The following GOLGA2 variants were observed in gnomAD, a reference collection of about 807,000 sequenced individuals.
GOLGA2 encodes the protein golgin subfamily A member 2.
Under a neutral mutation model 148.8 loss-of-function variants are expected in GOLGA2, and 49 were observed. The observed-to-expected ratio is 0.33, with a 90% CI of 0.26 to 0.42. The LOEUF is 0.42. Ranked by LOEUF, GOLGA2 falls within the 10% of genes least tolerant of loss-of-function variation. The pLI is 1.00. For missense variants in GOLGA2, 1,178 were observed against 1,304.6 expected (o/e 0.90, Z 1.49); for synonymous variants, 501 against 511.8 (o/e 0.98, Z 0.28).
At chr9:128,263,193 C>A in intron 12 of GOLGA2, 101 bp from the exon 13 acceptor site, 1 of 758,348 alleles carries the variant, frequency 1.3e-6, no homozygotes, top group South Asian at 1.4e-5. Flanking sequence ...AACACTTCCT[C>A]ACTCTCAATC....
rs749790190 is a variant in GOLGA2 at position 128,258,033 on chromosome 9, A to T, written c.2455T>A (p.Ser819Thr). 1 of 1,611,596 alleles carries T rather than the reference A, an allele frequency of 6.2e-7. No individual in the cohort carries two copies. The highest frequency in any genetic ancestry group is 1.1e-5 in the South Asian group (1 of 90,926). Residue 819 changes from serine to threonine, a missense_variant, in exon 23 of 27, where the codon TCT (serine) becomes ACT (threonine). Coordinates refer to ENST00000611957, the MANE Select transcript of GOLGA2 (RefSeq NM_001366244.2). This position sits in a 1 kb window ranked among gnomAD's most constrained non-coding sequence, Gnocchi z 6.6. Reference sequence around the variant, plus strand: ...GCCCGGTGGGTCTCCCCACACACAGAATCACCCCCGGTCCCTGGGGCTGGG... The same window carrying T: ...GCCCGGTGGGTCTCCCCACACACAGTATCACCCCCGGTCCCTGGGGCTGGG... ...AAPAPGTGGDSVCGETHRALQ... is the reference protein window; with the variant it reads ...AAPAPGTGGDTVCGETHRALQ...
Position 128,260,079 on chromosome 9 carries a change from TTCCTTCAGCTCGCTCAGCTTC to T in GOLGA2, c.1848_1868del (p.Lys617_Glu623del). 1.2e-6 allele frequency: 2 copies of T among 1,606,070 alleles called. No individual in the cohort carries two copies. The highest frequency in any genetic ancestry group is 1.1e-5 in the South Asian group (1 of 90,990). On this transcript the variant is annotated inframe_deletion, in exon 19 of 27. Transcript: ENST00000611957. This position sits in a 1 kb window ranked among gnomAD's most constrained non-coding sequence, Gnocchi z 4.8. The stretch of plus-strand genomic sequence containing the variant: ...TTCTTGGATGGGGCGGGGTTACCGT[TTCCTTCAGCTCGCTCAGCTTC>T]TCCTGCAGCTCGCCCAGCTTCTTTC...
Position 128,257,291 on chromosome 9 carries a change from G to C in GOLGA2, c.2876-10C>G. On this transcript the variant is annotated splice_polypyrimidine_tract_variant and intron_variant, in intron 26 of 26. Coordinates refer to ENST00000611957, the MANE Select transcript of GOLGA2 (RefSeq NM_001366244.2). This position sits in a 1 kb window ranked among gnomAD's most constrained non-coding sequence, Gnocchi z 8.0. ...CTCACCTCGCAAAGATCTTTGGAGA[G>C]AGAGAGGCAGGGCTCTGAGTGCCAC... is the stretch of plus-strand genomic sequence containing the variant. 1 of 1,612,764 alleles carries C rather than the reference G, an allele frequency of 6.2e-7. No individual in the cohort carries two copies. Among genetic ancestry groups the C allele is most frequent in the Non-Finnish European group, 8.5e-7 (1 of 1,179,698 alleles).
At position 128,263,049 on chromosome 9, in the gene GOLGA2, T is replaced by G; in HGVS notation, c.977A>C (p.Glu326Ala). ...LTKERDALRL[E>A]LYKNTQSNED... ...CCCATCCTACGTGTTCTTGTATAAC[T>G]CCAGCCTGAGGGCGTCTCTCTCTTT... Residue 326 changes from glutamate to alanine, a missense_variant, in exon 13 of 27, where the codon GAG (glutamate) becomes GCG (alanine). Glu to Ala is a moderately radical substitution (Grantham distance 107, BLOSUM62 -1). This residue lies in a region of GOLGA2 where 304 missense variants were observed against 404.1 expected (regional missense o/e 0.75). Coordinates refer to ENST00000611957, the MANE Select transcript of GOLGA2 (RefSeq NM_001366244.2). 6.2e-7 allele frequency: 1 copy of G among 1,603,294 alleles called. No homozygotes were observed. Among genetic ancestry groups the G allele is most frequent in the Non-Finnish European group, 8.5e-7 (1 of 1,172,334 alleles).
rs1193108615 is a variant in GOLGA2 at position 128,261,705 on chromosome 9, A to G, written c.1187T>C (p.Met396Thr). Reference protein sequence around the residue: ...PDANQQLQQAMEERAQLEAHL... With the variant: ...PDANQQLQQATEERAQLEAHL... ...TGCTTCCAGCTGTGCCCGCTCCTCC[A>G]TGGCCTGCTGTAACTGCTGGTTAGC... is the stretch of plus-strand genomic sequence containing the variant. The change falls in exon 15 of 27, where the codon ATG becomes ACG. Residue 396 changes from methionine to threonine, a missense_variant. This residue lies in a region of GOLGA2 where 304 missense variants were observed against 404.1 expected (regional missense o/e 0.75). Coordinates refer to ENST00000611957, the MANE Select transcript of GOLGA2 (RefSeq NM_001366244.2). This position sits in a 1 kb window ranked among gnomAD's most constrained non-coding sequence, Gnocchi z 5.7. 6 of 1,613,202 alleles carry G rather than the reference A, an allele frequency of 3.7e-6. No individual in the cohort carries two copies. The highest frequency in any genetic ancestry group is 3.4e-6 in the Non-Finnish European group (4 of 1,179,178).
chr9:128,256,143 A>C lies in GOLGA2; in HGVS notation c.*924T>G, dbSNP rs980390343. On this transcript the variant is annotated 3_prime_UTR_variant, in exon 27 of 27. Transcript: ENST00000611957. ...ACAGTTAGCCCCACTGTCCTGCCTC[A>C]GCTGCCTCTCTGTGTAAGAAGATGG... The C allele has an allele frequency of 1.3e-5, 2 of 152,748 alleles. No homozygotes were observed. The highest frequency in any genetic ancestry group is 1.3e-4 in the Admixed American group (2 of 15,294). The allele number at this position is 152,748 out of a possible 1,614,324, so 9.5% of individuals were successfully genotyped here.
In GOLGA2 at chr9:128,258,227, G is replaced by A; in HGVS notation, c.2290-29C>T. On this transcript the variant is annotated intron_variant, in intron 22 of 26. Coordinates refer to ENST00000611957, the MANE Select transcript of GOLGA2 (RefSeq NM_001366244.2). This position sits in a 1 kb window ranked among gnomAD's most constrained non-coding sequence, Gnocchi z 6.6. ...CAGGCAAGAGGGGTGCATTCTTGTA[G>A]GAGGATATATAGGATGAACAGGGCA... is the stretch of plus-strand genomic sequence containing the variant. 6 of 1,515,472 alleles carry A rather than the reference G, an allele frequency of 4.0e-6. No individual in the cohort carries two copies. Among genetic ancestry groups the A allele is most frequent in the Non-Finnish European group, 5.4e-6 (6 of 1,114,064 alleles). 93.9% of individuals were successfully genotyped at this position (1,515,472 alleles called of 1,614,324 possible).
intron 12 of GOLGA2, among the ~76,000 whole-genome samples, chr9:128,263,522 A>T (rs1251017385): frequency 6.6e-6 from 1 of 152,040 alleles, no homozygotes; most frequent in Non-Finnish European, 1.5e-5. Flanking sequence ...GGTTCATGCC[A>T]TTCTCCTGCT....
Position 128,257,723 on chromosome 9 carries a change from G to T in GOLGA2, c.2612-16C>A, listed in dbSNP as rs755902066. On this transcript the variant is annotated splice_polypyrimidine_tract_variant and intron_variant, in intron 24 of 26. Transcript: ENST00000611957. This position sits in a 1 kb window ranked among gnomAD's most constrained non-coding sequence, Gnocchi z 8.0. Reference sequence around the variant, plus strand: ...ATGTACTCTCCTGCGGGAGGACAGGGCTCAGATGCTGGGTTCCCTCCGACC... The same window carrying T: ...ATGTACTCTCCTGCGGGAGGACAGGTCTCAGATGCTGGGTTCCCTCCGACC... The T allele has an allele frequency of 2.5e-6, 4 of 1,611,930 alleles. No individual in the cohort carries two copies. Among genetic ancestry groups the T allele is most frequent in the Non-Finnish European group, 3.4e-6 (4 of 1,178,024 alleles).
intron 1 of GOLGA2, 144 bp from the exon 2 acceptor site, chr9:128,274,116 A>G (rs968894485): frequency 6.6e-6 from 5 of 762,350 alleles, no homozygotes; most frequent in Non-Finnish European, 8.7e-6. Context: ...ACAATCACTT[A>G]GTGACTGAGA....
In GOLGA2 at chr9:128,260,022, C is replaced by T; in HGVS notation, c.1872+54G>A. On this transcript the variant is annotated intron_variant, in intron 19 of 26. Coordinates refer to ENST00000611957, the MANE Select transcript of GOLGA2 (RefSeq NM_001366244.2). The surrounding 1 kb of genome is among the most constrained non-coding windows in gnomAD (Gnocchi z 4.8). ...AGCTGCCTCTGGCCTCACACCACCC[C>T]TCCCCAGAGGCTGGTGCCCGCCTCC... 1 of 1,282,890 alleles carries T rather than the reference C, an allele frequency of 7.8e-7. No homozygotes were observed. The highest frequency in any genetic ancestry group is 1.1e-6 in the Non-Finnish European group (1 of 888,618). The allele number at this position is 1,282,890 out of a possible 1,614,324, so 79.5% of individuals were successfully genotyped here.
At chr9:128,270,657 T>C (rs1393122053) in intron 3 of GOLGA2, among the ~76,000 whole-genome samples, 4 of 152,082 alleles carry the variant, frequency 2.6e-5, no homozygotes, top group Admixed American at 1.3e-4. Flanking sequence ...CAGGCCTGCA[T>C]TCCTGGAGTA....
At chr9:128,275,366 C>G in intron 1 of GOLGA2, 2 of 1,275,972 alleles carry the variant, frequency 1.6e-6, no homozygotes, top group South Asian at 5.5e-5. Context: ...CATTCCACTC[C>G]TAGGGGGAAC....
rs973744347 is a variant in GOLGA2, at chr9:128,260,777, T to C, written c.1446A>G (p.Pro482=). 6.2e-7 allele frequency: 1 copy of C among 1,608,342 alleles called. No individual in the cohort carries two copies. The highest frequency in any genetic ancestry group is 1.7e-5 in the Admixed American group (1 of 59,782). The part of the protein sequence containing the change: ...QMAEPPPPEP[P]AGPSEVEQQL... ...GCTGCTCCACCTCGGAGGGCCCTGC[T>C]GGGGGCTCTGGGGGCGGGGGTTCAG... Residue 482 remains proline (P), a synonymous_variant, in exon 18 of 27, where the codon CCA becomes CCG. Coordinates refer to ENST00000611957, the MANE Select transcript of GOLGA2 (RefSeq NM_001366244.2). This position sits in a 1 kb window ranked among gnomAD's most constrained non-coding sequence, Gnocchi z 4.8.
rs973091323 is a variant in GOLGA2, at chr9:128,272,794, G to C, written c.279C>G (p.Asp93Glu). 1.6e-6 allele frequency: 2 copies of C among 1,252,566 alleles called. No individual in the cohort carries two copies. The highest frequency in any genetic ancestry group is 2.1e-6 in the Non-Finnish European group (2 of 958,504). The allele number at this position is 1,252,566 out of a possible 1,614,324, so 77.6% of individuals were successfully genotyped here. ...RSNGVALPPL[D>E]KWKTPKDNAA... ...CTCGGCACTGCCTCACCTTCCACTT[G>C]TCCAATGGGGGGAGCGCTACCCCAT... Residue 93 changes from aspartate to glutamate, a missense_variant, in exon 3 of 27, where the codon GAC becomes GAG. Asp to Glu is a conservative substitution (Grantham distance 45). Around this residue, in one of 5 missense-constraint regions of GOLGA2, gnomAD observed 158 missense variants for 156.6 expected, o/e 1.01. Coordinates refer to ENST00000611957, the MANE Select transcript of GOLGA2 (RefSeq NM_001366244.2).
In GOLGA2 at chr9:128,271,180, G is replaced by A. The variant is rs901539016; in HGVS notation, c.288+1605C>T. Among the ~76,000 whole-genome samples the A allele has an allele frequency of 6.6e-5, 10 of 152,142 alleles. No homozygotes were observed. Among genetic ancestry groups the A allele is most frequent in the African/African-American group, 2.4e-4 (10 of 41,426 alleles). ...GACCCCCTAATCCACTGGACCATTG[G>A]CAGAGCAAAAGCCAAATGCTTTTGG... On this transcript the variant is annotated intron_variant, in intron 3 of 26. Transcript: ENST00000611957. The surrounding 1 kb of genome is among the most constrained non-coding windows in gnomAD (Gnocchi z 4.4).
chr9:128,272,473 C>T (rs1169109439), intron 3 of GOLGA2, among the ~76,000 whole-genome samples: 3 of 150,960 alleles, frequency 2.0e-5, no homozygotes, highest in Admixed American at 6.6e-5. Context: ...AGTGAGACTC[C>T]GTCTCTGAAA....
chr9:128,263,656 G>A (rs1189115392), intron 12 of GOLGA2, among the ~76,000 whole-genome samples: 1 of 151,896 alleles, frequency 6.6e-6, no homozygotes, highest in African/African-American at 2.4e-5. Flanking sequence ...CTGACCTTGT[G>A]ATCCGCCCGT....
At chr9:128,274,140 T>C (rs1831149522) in intron 1 of GOLGA2, among the ~76,000 whole-genome samples, 168 bp from the exon 2 acceptor site, 2 of 152,154 alleles carry the variant, frequency 1.3e-5, no homozygotes, top group Admixed American at 1.3e-4. Flanking sequence ...ATTGATACCA[T>C]GGCTTAAAAA....
Sources: gnomAD v4.1 joint callset for allele counts (sites outside exome capture counted in the v4.1 genomes callset) on GRCh38, gnomAD v4.1.1 for gene constraint, gnomAD v4.1.1 regional missense constraint, Gnocchi (gnomAD v3.1) non-coding constraint, MANE v1.5 for transcripts, NCBI Gene and HGNC (gene_info 2026-07-23, HGNC 2026-07-21) for gene names.